NALF1: variants seen among roughly 807,000 people sequenced by gnomAD.
NALF1 encodes family with sequence similarity 155 member A.
A neutral mutation model predicts 48.4 loss-of-function variants in NALF1; 3 were observed. The observed-to-expected ratio is 0.06, with a 90% CI of 0.03 to 0.16. The LOEUF (loss-of-function observed/expected upper bound fraction) is 0.16. Ranked by LOEUF, NALF1 falls within the 10% of genes least tolerant of loss-of-function variation. NALF1 has a pLI of 1.00. For missense variants in NALF1, 526 were observed against 571.5 expected, an observed-to-expected ratio of 0.92 and a Z score of 0.81; for synonymous variants, 262 against 245.7, an observed-to-expected ratio of 1.07 and a Z score of -0.62.
In NALF1 at chr13:107,263,249, G is replaced by GACACACACACAC. The variant is rs34637583; in HGVS notation, c.916-52506_916-52495dup. 6.6e-3 allele frequency among the ~76,000 whole-genome samples: 918 copies of GACACACACACAC among 138,442 alleles called. 6 individuals carry two copies. Among genetic ancestry groups the GACACACACACAC allele is most frequent in the Non-Finnish European group, 8.3e-3 (535 of 64,324 alleles). 90.8% of individuals were successfully genotyped at this position (138,442 alleles called of 152,430 possible). A position where few individuals can be genotyped will look rare whatever the true frequency, so the allele number is the denominator to read the frequency against. The stretch of plus-strand genomic sequence containing the variant: ...CCCAACACCCCACAAAATGCTAACA[G>GACACACACACAC]ACACACACACACACACACACACACA... On this transcript the variant is annotated intron_variant, in intron 1 of 2. Coordinates refer to ENST00000375915, the MANE Select transcript of NALF1 (RefSeq NM_001080396.3).
chr13:107,607,895 T>C (rs905339957), intron 1 of NALF1, among the ~76,000 whole-genome samples: 2 of 152,190 alleles, frequency 1.3e-5, no homozygotes, highest in African/African-American at 4.8e-5. Flanking sequence ...AATTAGTCTA[T>C]AAATCCATTC....
At chr13:107,220,324 G>A (rs1879963064) in intron 1 of NALF1, among the ~76,000 whole-genome samples, 2 of 152,168 alleles carry the variant, frequency 1.3e-5, no homozygotes, top group Non-Finnish European at 2.9e-5. Flanking sequence ...AGAGCCAACC[G>A]GCACCCTGGG....
At chr13:107,254,894 A>G (rs1246266541) in intron 1 of NALF1, among the ~76,000 whole-genome samples, 2 of 152,218 alleles carry the variant, frequency 1.3e-5, no homozygotes, top group Non-Finnish European at 2.9e-5. Flanking sequence ...CAAGGAAAAC[A>G]CACAGTAGTG....
rs141332244 is a variant in NALF1, at chr13:107,742,287, A to G, written c.915+123395T>C. Among the ~76,000 whole-genome samples the G allele has an allele frequency of 9.9e-5, 15 of 152,208 alleles. No individual in the cohort carries two copies. The East Asian group carries it at 2.7e-3, about 28-fold the overall frequency. ...AACATCATTTCCTGTAGACCAACCA[A>G]CCTACCTACAGTGAACATCTCTCTG... On this transcript the variant is annotated intron_variant, in intron 1 of 2. Transcript: ENST00000375915.
intron 1 of NALF1, among the ~76,000 whole-genome samples, chr13:107,810,277 AT>A (rs1393515493): frequency 2.6e-5 from 4 of 151,990 alleles, no homozygotes; most frequent in Non-Finnish European, 4.4e-5. Flanking sequence ...TGTAATTGCC[AT>A]TTTCCTGCCC....
chr13:107,865,913 G>A lies in NALF1; in HGVS notation c.684C>T (p.Ser228=), dbSNP rs774467461. 3 of 1,614,088 alleles carry A rather than the reference G, an allele frequency of 1.9e-6. No homozygotes were observed. The highest frequency in any genetic ancestry group is 4.5e-5 in the East Asian group (2 of 44,856). Residue 228 remains serine (S), a synonymous_variant, in exon 1 of 3, where the codon TCC becomes TCT. Coordinates refer to ENST00000375915, the MANE Select transcript of NALF1 (RefSeq NM_001080396.3). ...CCGAGAACAACTCCCAAAGTGTGTA[G>A]GAATTACAAAACGAAAGGTAAAAAT... ...LSDFYLSFCN[S]YTLWELFSGL... is the part of the protein sequence containing the mutation.
chr13:107,709,414 G>A (rs1875502285), intron 1 of NALF1, among the ~76,000 whole-genome samples: 1 of 152,252 alleles, frequency 6.6e-6, no homozygotes, highest in Middle Eastern at 3.4e-3. Context: ...TGAGAACGTG[G>A]ATAATTCATG....
At chr13:107,205,596 T>A (rs1329878140) in intron 2 of NALF1, among the ~76,000 whole-genome samples, 1 of 151,998 alleles carries the variant, frequency 6.6e-6, no homozygotes, top group Non-Finnish European at 1.5e-5. Flanking sequence ...ATAACCTTAT[T>A]CCTGTCACAG....
chr13:107,260,990 C>A (rs967332418), intron 1 of NALF1, among the ~76,000 whole-genome samples: 2 of 152,154 alleles, frequency 1.3e-5, no homozygotes, highest in African/African-American at 2.4e-5. Flanking sequence ...GTTATCTCCA[C>A]GGGCTTATTG....
chr13:107,482,120 C>A (rs528787352), intron 1 of NALF1, among the ~76,000 whole-genome samples: 1 of 152,026 alleles, frequency 6.6e-6, no homozygotes, highest in Non-Finnish European at 1.5e-5. Flanking sequence ...GCAGATCACC[C>A]TCCATAATAC....
chr13:107,561,697 C>T (rs1192871295), intron 1 of NALF1, among the ~76,000 whole-genome samples: 2 of 152,144 alleles, frequency 1.3e-5, no homozygotes, highest in African/African-American at 2.4e-5. Flanking sequence ...TTTAAGATTA[C>T]CATCTCCTCT....
At chr13:107,841,111 T>C (rs79173351) in intron 1 of NALF1, among the ~76,000 whole-genome samples, 2,914 of 152,294 alleles carry the variant, frequency 0.019, 50 homozygotes, top group African/African-American at 0.046. Flanking sequence ...ACAACTATTA[T>C]GGCCACCTCC....
At chr13:107,275,032 G>C (rs1303540667) in intron 1 of NALF1, among the ~76,000 whole-genome samples, 1 of 152,200 alleles carries the variant, frequency 6.6e-6, no homozygotes, top group African/African-American at 2.4e-5. Context: ...TGATGGATTA[G>C]TGTAAGGTGC....
At chr13:107,220,389 G>C (rs1216820067) in intron 1 of NALF1, among the ~76,000 whole-genome samples, 1 of 152,140 alleles carries the variant, frequency 6.6e-6, no homozygotes, top group South Asian at 2.1e-4. Flanking sequence ...ATTTAAACCT[G>C]GTCTGCATTA....
chr13:107,325,441 C>T (rs1399843732), intron 1 of NALF1, among the ~76,000 whole-genome samples: 3 of 152,082 alleles, frequency 2.0e-5, no homozygotes, highest in African/African-American at 7.2e-5. Context: ...AATATAATGG[C>T]TTGCCCAAAA....
intron 1 of NALF1, among the ~76,000 whole-genome samples, chr13:107,721,017 G>T (rs1457854671): frequency 6.6e-6 from 1 of 151,680 alleles, no homozygotes; most frequent in Admixed American, 6.6e-5. Context: ...GGGCATCGTG[G>T]ATATCACATG....
intron 1 of NALF1, among the ~76,000 whole-genome samples, chr13:107,783,175 C>G (rs1174129498): frequency 1.5e-5 from 2 of 132,318 alleles, no homozygotes; most frequent in East Asian, 2.4e-4. Context: ...CCAGCCGCCC[C>G]GTCCGGGAGG....
chr13:107,525,738 C>T (rs1022024997), intron 1 of NALF1, among the ~76,000 whole-genome samples: 3 of 152,052 alleles, frequency 2.0e-5, no homozygotes, highest in African/African-American at 7.2e-5. Context: ...TACTATTTTG[C>T]TTCAACAATG....
At chr13:107,743,670 C>T (rs777472719) in intron 1 of NALF1, among the ~76,000 whole-genome samples, 2 of 152,198 alleles carry the variant, frequency 1.3e-5, no homozygotes, top group Non-Finnish European at 2.9e-5. Context: ...CAATTCCTAA[C>T]AGGAGGATAT....
Sources: allele counts gnomAD v4.1 joint callset (sites outside exome capture counted in the v4.1 genomes callset), GRCh38; gene constraint gnomAD v4.1.1; transcripts MANE v1.5; gene names NCBI Gene and HGNC (gene_info 2026-07-23, HGNC 2026-07-21).